COL10A1: variants seen among roughly 807,000 people sequenced by gnomAD.
The protein encoded by COL10A1 is collagen alpha-1(X) chain.
COL10A1 carries 10 observed loss-of-function variants against 18.2 expected under a neutral mutation model. That is an observed-to-expected ratio of 0.55 (90% CI 0.34 to 0.93). COL10A1 has a LOEUF of 0.93. Ranked by LOEUF, COL10A1 falls within the 40% of genes least tolerant of loss-of-function variation. COL10A1 has a pLI of 0.02. For missense variants in COL10A1, 897 were observed against 853.5 expected, an observed-to-expected ratio of 1.05 and a Z score of -0.64; for synonymous variants, 330 against 316.6, an observed-to-expected ratio of 1.04 and a Z score of -0.45.
chr6:116,192,157 G>A, the COL10A1 span, among the ~76,000 whole-genome samples: 8 of 152,104 alleles, frequency 5.3e-5, no homozygotes, highest in Admixed American at 3.9e-4. Context: ...AAGAAATGGT[G>A]TGAGTTCAGA....
Position 116,121,383 on chromosome 6 carries a change from G to A in COL10A1, c.733C>T (p.Pro245Ser). The A allele has an allele frequency of 6.2e-7, 1 of 1,614,088 alleles. No homozygotes were observed. Among genetic ancestry groups the A allele is most frequent in the Non-Finnish European group, 8.5e-7 (1 of 1,180,012 alleles). ...GDRGFPGEMG[P>S]IGPPGPQGPP... ...CCTTGGGGACCTGGTGGGCCAATTG[G>A]TCCCATTTCTCCCGGAAAACCTCTA... Residue 245 changes from proline (P) to serine (S), a missense_variant, in exon 3 of 3, where the codon CCA becomes TCA. Transcript: ENST00000651968.
the COL10A1 span, among the ~76,000 whole-genome samples, chr6:116,166,571 G>A: frequency 5.3e-5 from 8 of 152,154 alleles, no homozygotes; most frequent in East Asian, 1.9e-4. Flanking sequence ...TCCTGGCATC[G>A]ATCTCCATTT....
At chr6:116,182,892 A>G in the COL10A1 span, among the ~76,000 whole-genome samples, 1 of 151,690 alleles carries the variant, frequency 6.6e-6, no homozygotes, top group African/African-American at 2.4e-5. Context: ...AGTCCCATCT[A>G]TTTATCTTTG....
At chr6:116,164,512 A>G in the COL10A1 span, among the ~76,000 whole-genome samples, 1 of 152,134 alleles carries the variant, frequency 6.6e-6, no homozygotes, top group Non-Finnish European at 1.5e-5. Flanking sequence ...TAGGCAGCAG[A>G]TGGTTGAATC....
rs1348018368 is a variant in COL10A1 at position 116,119,853 on chromosome 6, T to A, written c.*220A>T. On this transcript the variant is annotated 3_prime_UTR_variant, in exon 3 of 3. Coordinates refer to ENST00000651968, the MANE Select transcript of COL10A1 (RefSeq NM_000493.4). ...ATATTGGAGAAAACCTTAAAGAGCC[T>A]TAAGATTGCTAACTAGAAATTCAAG... The A allele has an allele frequency of 3.6e-6, 2 of 561,628 alleles. No homozygotes were observed. The highest frequency in any genetic ancestry group is 3.8e-5 in the African/African-American group (2 of 53,226). The allele number at this position is 561,628 out of a possible 1,614,324, so 34.8% of individuals were successfully genotyped here.
At chr6:116,180,352 T>C in the COL10A1 span, among the ~76,000 whole-genome samples, 1 of 152,052 alleles carries the variant, frequency 6.6e-6, no homozygotes, top group Non-Finnish European at 1.5e-5. Context: ...TGCAGGACAG[T>C]TTCTCTTTAT....
the COL10A1 span, among the ~76,000 whole-genome samples, chr6:116,200,466 T>C: frequency 5.3e-5 from 8 of 152,048 alleles, no homozygotes; most frequent in Non-Finnish European, 1.2e-4. Flanking sequence ...TTGAAAGATA[T>C]TGATAGGGAA....
intron 1 of COL10A1, chr6:116,158,595 A>G (rs1467186579): frequency 6.6e-6 from 1 of 152,132 alleles, no homozygotes; most frequent in Non-Finnish European, 1.5e-5. Flanking sequence ...CTATTGTCAC[A>G]CGTTTGAATT....
At chr6:116,126,232 A>T (rs995642974), upstream of COL10A1, 1 of 152,176 alleles carries the variant, frequency 6.6e-6, no homozygotes, top group African/African-American at 2.4e-5. Flanking sequence ...GTAAGCACTA[A>T]TTATGGTGGA....
the COL10A1 span, among the ~76,000 whole-genome samples, chr6:116,182,306 G>C: frequency 1.5e-4 from 23 of 151,360 alleles, no homozygotes; most frequent in Non-Finnish European, 3.4e-4. Flanking sequence ...CATTTGGGCT[G>C]GTTCCACATT....
At chr6:116,135,861 A>ATGTG (rs1779583503) in intron 1 of COL10A1, among the ~76,000 whole-genome samples, 1 of 123,570 alleles carries the variant, frequency 8.1e-6, no homozygotes, top group African/African-American at 3.2e-5. Flanking sequence ...ATATATATAT[A>ATGTG]TATATATATA....
At chr6:116,141,355 G>A (rs1779759417) in intron 1 of COL10A1, among the ~76,000 whole-genome samples, 1 of 151,646 alleles carries the variant, frequency 6.6e-6, no homozygotes, top group African/African-American at 2.4e-5. Context: ...GATACTTCCA[G>A]TTTGTGACAT....
chr6:116,159,366 G>T (rs1051275406), upstream of COL10A1, among the ~76,000 whole-genome samples: 9 of 152,064 alleles, frequency 5.9e-5, no homozygotes, highest in African/African-American at 2.2e-4. Context: ...TAATTCACAT[G>T]CTTTATCCTA....
chr6:116,135,371 G>A (rs1223476244), intron 1 of COL10A1, among the ~76,000 whole-genome samples: 1 of 151,934 alleles, frequency 6.6e-6, no homozygotes, highest in Non-Finnish European at 1.5e-5. Flanking sequence ...GTAAGTACTA[G>A]AAAATGATAT....
At chr6:116,133,995 A>G (rs754229947) in intron 1 of COL10A1, among the ~76,000 whole-genome samples, 1 of 152,208 alleles carries the variant, frequency 6.6e-6, no homozygotes, top group South Asian at 2.1e-4. Context: ...AGTCAAAAAT[A>G]ACTCTTGCCA....
At chr6:116,200,002 G>GGA in the COL10A1 span, among the ~76,000 whole-genome samples, 7 of 101,204 alleles carry the variant, frequency 6.9e-5, no homozygotes, top group Non-Finnish European at 1.5e-4. Flanking sequence ...TGGAAAGTGG[G>GGA]GGGGGAAGAG....
chr6:116,164,583 A>G, the COL10A1 span, among the ~76,000 whole-genome samples: 1 of 152,182 alleles, frequency 6.6e-6, no homozygotes, highest in Admixed American at 6.5e-5. Flanking sequence ...CAAGGTTAAT[A>G]TGCATATGTG....
chr6:116,173,767 A>G, the COL10A1 span, among the ~76,000 whole-genome samples: 1 of 152,158 alleles, frequency 6.6e-6, no homozygotes, highest in Non-Finnish European at 1.5e-5. Context: ...GTGATCCTGA[A>G]TATCACCCTA....
chr6:116,209,085 A>T, the COL10A1 span, among the ~76,000 whole-genome samples: 1 of 152,046 alleles, frequency 6.6e-6, no homozygotes, highest in Non-Finnish European at 1.5e-5. Flanking sequence ...TTCTTTTGGT[A>T]CTTTCTAGTA....
Sources: gnomAD v4.1 joint callset for allele counts (sites outside exome capture counted in the v4.1 genomes callset) on GRCh38, gnomAD v4.1.1 for gene constraint, MANE v1.5 for transcripts, NCBI Gene and HGNC (gene_info 2026-07-23, HGNC 2026-07-21) for gene names.